MCF2: variants seen among roughly 807,000 people sequenced by gnomAD.
MCF2 encodes the protein MCF.2 cell line derived transforming sequence.
Under a neutral mutation model 82.5 loss-of-function variants are expected in MCF2, and 44 were observed. That is an observed-to-expected ratio of 0.53 (90% CI 0.42 to 0.69). The LOEUF (loss-of-function observed/expected upper bound fraction) is 0.69. Ranked by LOEUF, MCF2 falls within the 30% of genes least tolerant of loss-of-function variation. The pLI is 0.00. For missense variants in MCF2, 623 were observed against 663.1 expected (o/e 0.94, Z 0.66); for synonymous variants, 217 against 224.9 (o/e 0.96, Z 0.32).
intron 12 of MCF2, among the ~76,000 whole-genome samples, chrX:139,606,637 G>T (rs2148438428): frequency 8.9e-6 from 1 of 111,892 alleles, no homozygotes; most frequent in South Asian, 3.8e-4. Context: ...GGGATTGCAG[G>T]CGTGAATAAC....
chrX:139,638,590 C>A (rs934300367), intron 1 of MCF2, among the ~76,000 whole-genome samples: 3 of 111,636 alleles, frequency 2.7e-5, no homozygotes, highest in African/African-American at 9.8e-5. Context: ...GTGGGCCCAG[C>A]ATTGCCAACT....
chrX:139,603,584 C>T (rs552210356), intron 15 of MCF2, among the ~76,000 whole-genome samples: 1 of 112,118 alleles, frequency 8.9e-6, no homozygotes, highest in South Asian at 3.7e-4. Flanking sequence ...GCCTGTAATC[C>T]CAACACTTTG....
At chrX:139,613,356 T>C in intron 10 of MCF2, 93 bp from the exon 14 acceptor site, 1 of 656,626 alleles carries the variant, frequency 1.5e-6, no homozygotes, top group East Asian at 3.6e-5. Flanking sequence ...ACTAATGACT[T>C]GCATGGATCT....
At chrX:139,633,871 G>A (rs1933052240) in intron 1 of MCF2, among the ~76,000 whole-genome samples, 1 of 111,162 alleles carries the variant, frequency 9.0e-6, no homozygotes, top group Non-Finnish European at 1.9e-5. Flanking sequence ...AATAAGAGTA[G>A]AATTTAGGAG....
intron 1 of MCF2, among the ~76,000 whole-genome samples, chrX:139,655,715 C>G (rs1934173636): frequency 9.0e-6 from 1 of 111,249 alleles, no homozygotes; most frequent in Non-Finnish European, 1.9e-5. Context: ...GTGTGATGTT[C>G]CCCTTCCTGT....
chrX:139,611,086 C>T (rs1488758878), intron 10 of MCF2, among the ~76,000 whole-genome samples: 10 of 111,930 alleles, frequency 8.9e-5, no homozygotes, highest in South Asian at 3.7e-4. Flanking sequence ...CCTACAAAGC[C>T]GAAGGCATGG....
intron 1 of MCF2, among the ~76,000 whole-genome samples, chrX:139,695,032 CTTT>C (rs200562872): frequency 3.2e-5 from 3 of 94,898 alleles, no homozygotes. Flanking sequence ...TGTATTCTTT[CTTT>C]TTTTTTTTTT....
intron 1 of MCF2, among the ~76,000 whole-genome samples, chrX:139,687,363 GGCCTCTGGCCAGGA>G (rs2148571504): frequency 8.8e-6 from 1 of 113,226 alleles, no homozygotes; most frequent in Admixed American, 9.3e-5. Context: ...CTGTGACACT[GGCCTCTGGCCAGGA>G]GCTAACTGTC....
At chrX:139,594,557 C>T (rs1272162358) in intron 19 of MCF2, among the ~76,000 whole-genome samples, 7 of 110,938 alleles carry the variant, frequency 6.3e-5, no homozygotes, top group Admixed American at 1.9e-4. Context: ...CTTCCTTACA[C>T]CTTATACAAA....
At chrX:139,666,795 A>C (rs1934533496) in intron 1 of MCF2, among the ~76,000 whole-genome samples, 1 of 112,163 alleles carries the variant, frequency 8.9e-6, no homozygotes, top group African/African-American at 3.2e-5. Flanking sequence ...TTCTTTAAAT[A>C]GATTTTCTAA....
intron 1 of MCF2, among the ~76,000 whole-genome samples, chrX:139,642,302 A>G (rs1362162691): frequency 8.9e-6 from 1 of 111,770 alleles, no homozygotes; most frequent in Admixed American, 9.5e-5. Context: ...CCCTATGTCA[A>G]TATCACAGTA....
intron 1 of MCF2, among the ~76,000 whole-genome samples, chrX:139,679,424 CT>C (rs1280800054): frequency 2.7e-5 from 3 of 111,932 alleles, no homozygotes; most frequent in Non-Finnish European, 5.6e-5. Context: ...ACAACTTTAA[CT>C]TTTTTTTCCA....
intron 12 of MCF2, among the ~76,000 whole-genome samples, chrX:139,607,001 A>G (rs1273242500): frequency 1.8e-5 from 2 of 111,503 alleles, no homozygotes; most frequent in Non-Finnish European, 3.8e-5. Context: ...ATATTAATAT[A>G]CCATTATAAC....
chrX:139,582,592 G>T, intron 24 of MCF2, 89 bp from the exon 29 acceptor site: 1 of 654,530 alleles, frequency 1.5e-6, no homozygotes, highest in Non-Finnish European at 2.4e-6. Context: ...TCTTGTTTTG[G>T]CAGGGAAGAA....
At chrX:139,649,056 T>C (rs1180674366) in intron 2 of MCF2, among the ~76,000 whole-genome samples, 1 of 112,337 alleles carries the variant, frequency 8.9e-6, no homozygotes, top group African/African-American at 3.2e-5. Flanking sequence ...CATGACCTAA[T>C]TGACATTTCT....
intron 1 of MCF2, among the ~76,000 whole-genome samples, chrX:139,640,577 T>C (rs1023798395): frequency 1.3e-4 from 14 of 111,397 alleles, no homozygotes; most frequent in Non-Finnish European, 2.1e-4. Context: ...ACCAAGTAAC[T>C]AGTTCAAACA....
chrX:139,695,032 C>CTT lies in MCF2; in HGVS notation c.-45+13072_-45+13073dup, dbSNP rs200562872. ...TATACAGGATCTCTCTGTATTCTTT[C>CTT]TTTTTTTTTTTTTTTATTGAGTTGG... On this transcript the variant is annotated intron_variant, in intron 1 of 27. Coordinates refer to the MCF2 transcript ENST00000414978. Among the ~76,000 whole-genome samples the CTT allele has an allele frequency of 1.3e-3, 127 of 94,863 alleles. 1 individual carries two copies. The highest frequency in any genetic ancestry group is 4.2e-3 in the African/African-American group (109 of 26,047). 82.4% of individuals were successfully genotyped at this position (94,863 alleles called of 115,157 possible). A position where few individuals can be genotyped will look rare whatever the true frequency, so the allele number is the denominator to read the frequency against.
At chrX:139,583,580 T>C (rs1046993399) in intron 24 of MCF2, among the ~76,000 whole-genome samples, 3 of 110,739 alleles carry the variant, frequency 2.7e-5, no homozygotes, top group Admixed American at 9.7e-5. Context: ...ATGGGCACAA[T>C]GAACACTGGG....
intron 9 of MCF2, 65 bp from the exon 13 acceptor site, chrX:139,615,117 A>G: frequency 1.2e-6 from 1 of 846,344 alleles, no homozygotes. Flanking sequence ...ACCCCATTAC[A>G]TTTCTCAGAC....
Sources: gnomAD v4.1 joint callset for allele counts (sites outside exome capture counted in the v4.1 genomes callset) on GRCh38, gnomAD v4.1.1 for gene constraint, MANE v1.5 for transcripts, NCBI Gene and HGNC (gene_info 2026-07-23, HGNC 2026-07-21) for gene names.